The following HPGDS variants were observed in gnomAD, a reference collection of about 807,000 sequenced individuals.
HPGDS encodes the protein hematopoietic prostaglandin D synthase.
In HPGDS, 26 loss-of-function variants were observed where a neutral mutation model predicts 23.1. That is an observed-to-expected ratio of 1.13 (90% confidence interval 0.83 to 1.56). The LOEUF (loss-of-function observed/expected upper bound fraction) is 1.56, where lower values mean the gene tolerates loss of function less well. Among genes scored for constraint, HPGDS ranks in the 40% most tolerant of loss-of-function variants. The pLI is 0.00. For synonymous variants in HPGDS, 95 were observed against 77.9 expected (o/e 1.22, Z -1.16); for missense variants, 268 against 236.4 (o/e 1.13, Z -0.88).
chr4:94,328,207 T>C (rs1007610448), intron 2 of HPGDS, among the ~76,000 whole-genome samples: 1 of 152,252 alleles, frequency 6.6e-6, no homozygotes, highest in Non-Finnish European at 1.5e-5. Context: ...CGCTTCCTTT[T>C]CTTTCTGTGC....
At chr4:94,321,525 A>G (rs1190744966) in intron 2 of HPGDS, among the ~76,000 whole-genome samples, 1 of 152,104 alleles carries the variant, frequency 6.6e-6, no homozygotes, top group African/African-American at 2.4e-5. Flanking sequence ...CTTTGAAGCA[A>G]TTGTGAATGG....
rs1332788849 is a variant in HPGDS at position 94,315,342 on chromosome 4, T to C, written c.226+2531A>G. Among the ~76,000 whole-genome samples, 6 of 149,184 alleles carry C rather than the reference T, an allele frequency of 4.0e-5. No homozygotes were observed. The Middle Eastern group carries it at 0.01, about 257-fold the overall frequency. On this transcript the variant is annotated intron_variant, in intron 3 of 5. Coordinates refer to ENST00000295256, the MANE Select transcript of HPGDS (RefSeq NM_014485.3). ...GATTAGGTTTATTTCCAGTCTTTTG[T>C]TAATACAAGCAACACTGCAATAAAT...
intron 3 of HPGDS, among the ~76,000 whole-genome samples, chr4:94,315,827 A>T (rs1283094077): frequency 6.6e-6 from 1 of 152,130 alleles, no homozygotes; most frequent in Non-Finnish European, 1.5e-5. Context: ...TTCTTCACTC[A>T]TTTTCATCCC....
At chr4:94,306,341 T>C (rs1486225820) in intron 4 of HPGDS, among the ~76,000 whole-genome samples, 1 of 152,112 alleles carries the variant, frequency 6.6e-6, no homozygotes, top group African/African-American at 2.4e-5. Context: ...TTGACAAATA[T>C]ATATCATTTT....
At chr4:94,323,202 A>G (rs567492795) in intron 2 of HPGDS, among the ~76,000 whole-genome samples, 8 of 152,258 alleles carry the variant, frequency 5.3e-5, no homozygotes, top group Admixed American at 2.0e-4. Context: ...CAATTTTGGA[A>G]TAAGTGTGGT....
intron 4 of HPGDS, among the ~76,000 whole-genome samples, chr4:94,304,433 G>T (rs1756103930): frequency 6.6e-6 from 1 of 152,048 alleles, no homozygotes; most frequent in East Asian, 1.9e-4. Flanking sequence ...TATTGGAAAT[G>T]GAATTTTTAG....
At chr4:94,312,007 C>T (rs951513072) in intron 3 of HPGDS, among the ~76,000 whole-genome samples, 4 of 151,992 alleles carry the variant, frequency 2.6e-5, no homozygotes, top group African/African-American at 4.8e-5. Context: ...TTTTTTATTG[C>T]ATCTATTTGA....
At chr4:94,305,971 TGAC>T (rs1439431141) in intron 4 of HPGDS, among the ~76,000 whole-genome samples, 1 of 152,030 alleles carries the variant, frequency 6.6e-6, no homozygotes, top group African/African-American at 2.4e-5. Context: ...AAAGTGAGCA[TGAC>T]AATAAAAAGC....
At chr4:94,326,762 G>T (rs1217092631) in intron 2 of HPGDS, among the ~76,000 whole-genome samples, 1 of 151,704 alleles carries the variant, frequency 6.6e-6, no homozygotes, top group Non-Finnish European at 1.5e-5. Flanking sequence ...GAGATGTCTT[G>T]TTTCCTTGCT....
At position 94,302,633 on chromosome 4, in the gene HPGDS, G is replaced by T. The variant is rs376705412; in HGVS notation, c.337-389C>A. Among the ~76,000 whole-genome samples the T allele has an allele frequency of 7.9e-5, 12 of 152,036 alleles. 1 individual carries two copies. Among genetic ancestry groups the T allele is most frequent in the Admixed American group, 2.6e-4 (4 of 15,256 alleles). ...TTAAAGCTAAATAATGTAACTGAAG[G>T]TAAAGAAATTTATTTTATTTCGTAA... On this transcript the variant is annotated intron_variant, in intron 4 of 5. Transcript: ENST00000295256.
At position 94,299,431 on chromosome 4, in the gene HPGDS, T is replaced by C; in HGVS notation, c.*49A>G. 2 of 1,540,336 alleles carry C rather than the reference T, an allele frequency of 1.3e-6. No individual in the cohort carries two copies. Among genetic ancestry groups the C allele is most frequent in the Non-Finnish European group, 1.8e-6 (2 of 1,135,046 alleles). On this transcript the variant is annotated 3_prime_UTR_variant, in exon 6 of 6. Coordinates refer to ENST00000295256, the MANE Select transcript of HPGDS (RefSeq NM_014485.3). ...AGGCTGATGTAGCTGTCTTATCTGA[T>C]GAGAGAGATGCCCCCGAGAAAAACA...
chr4:94,299,691 C>T (rs952964212), intron 5 of HPGDS, 47 bp from the exon 6 acceptor site: 1 of 1,517,970 alleles, frequency 6.6e-7, no homozygotes, highest in Non-Finnish European at 9.0e-7. Context: ...GAAAGTGTAG[C>T]TGTATCAGCA....
chr4:94,303,475 CAT>C (rs1233509489), intron 4 of HPGDS, among the ~76,000 whole-genome samples: 2 of 152,140 alleles, frequency 1.3e-5, no homozygotes, highest in East Asian at 3.8e-4. Context: ...CATGTACTTA[CAT>C]ATGTTTGCCA....
Position 94,299,426 on chromosome 4 carries a change from T to A in HPGDS, c.*54A>T. ...CTGGCAGGCTGATGTAGCTGTCTTA[T>A]CTGATGAGAGAGATGCCCCCGAGAA... On this transcript the variant is annotated 3_prime_UTR_variant, in exon 6 of 6. Transcript: ENST00000295256. 1 of 1,513,484 alleles carries A rather than the reference T, an allele frequency of 6.6e-7. No individual in the cohort carries two copies. Among genetic ancestry groups the A allele is most frequent in the Non-Finnish European group, 9.0e-7 (1 of 1,116,732 alleles). The allele number at this position is 1,513,484 out of a possible 1,614,324, so 93.8% of individuals were successfully genotyped here.
At chr4:94,307,367 G>C (rs936944120) in intron 4 of HPGDS, among the ~76,000 whole-genome samples, 4 of 150,986 alleles carry the variant, frequency 2.6e-5, no homozygotes, top group Non-Finnish European at 1.5e-5. Flanking sequence ...CTGTGACCAA[G>C]TATCTAGGAC....
chr4:94,312,817 C>T (rs1322301503), intron 3 of HPGDS, among the ~76,000 whole-genome samples: 2 of 152,040 alleles, frequency 1.3e-5, no homozygotes, highest in Non-Finnish European at 2.9e-5. Context: ...AAACTGGGTG[C>T]TCCTGTATTG....
chr4:94,321,584 C>G (rs898994304), intron 2 of HPGDS, among the ~76,000 whole-genome samples: 2 of 151,940 alleles, frequency 1.3e-5, no homozygotes, highest in East Asian at 1.9e-4. Flanking sequence ...TGGTGTATAG[C>G]AATGCTTGTG....
At chr4:94,339,859 G>A (rs1462341122) in intron 1 of HPGDS, among the ~76,000 whole-genome samples, 1 of 152,100 alleles carries the variant, frequency 6.6e-6, no homozygotes, top group Non-Finnish European at 1.5e-5. Context: ...CTTCATGGTA[G>A]TAAATAAGTC....
chr4:94,308,843 T>C (rs1446081339), intron 3 of HPGDS, 100 bp from the exon 4 acceptor site: 1 of 591,934 alleles, frequency 1.7e-6, no homozygotes, highest in Non-Finnish European at 3.0e-6. Context: ...ATTCAAAGAG[T>C]GTAAAACAAT....
Sources: allele counts gnomAD v4.1 joint callset (sites outside exome capture counted in the v4.1 genomes callset), GRCh38; gene constraint gnomAD v4.1.1; transcripts MANE v1.5; gene names NCBI Gene and HGNC (gene_info 2026-07-23, HGNC 2026-07-21).